CMTM8: variants seen among roughly 807,000 people sequenced by gnomAD.
CMTM8 encodes CKLF-like MARVEL transmembrane domain-containing protein 8.
CMTM8 carries 12 observed loss-of-function variants against 18.6 expected under a neutral mutation model. The ratio of observed to expected loss-of-function variants is 0.65; its 90% CI spans 0.41 to 1.05. CMTM8 has a LOEUF of 1.05. CMTM8 is among the 50% of genes least tolerant of loss of function. The probability of loss-of-function intolerance (pLI) is 0.00; values close to 1 mark genes in which losing one functional copy is unlikely to be tolerated. For synonymous variants in CMTM8, 87 were observed against 90.6 expected, an observed-to-expected ratio of 0.96 and a Z score of 0.23; for missense variants, 217 against 227.2, an observed-to-expected ratio of 0.95 and a Z score of 0.29.
chr3:32,265,048 A>G (rs1394440252), intron 1 of CMTM8, among the ~76,000 whole-genome samples: 1 of 152,140 alleles, frequency 6.6e-6, no homozygotes, highest in Non-Finnish European at 1.5e-5. Context: ...GATCAACAAG[A>G]CACAAAGTTA....
chr3:32,312,528 G>A (rs898612111), intron 1 of CMTM8, among the ~76,000 whole-genome samples: 9 of 152,150 alleles, frequency 5.9e-5, no homozygotes, highest in Non-Finnish European at 1.2e-4. Context: ...AGCAGGAGCT[G>A]TGTCCCCATG....
intron 1 of CMTM8, among the ~76,000 whole-genome samples, chr3:32,352,953 A>G (rs1424293577): frequency 6.6e-6 from 1 of 152,026 alleles, no homozygotes; most frequent in Non-Finnish European, 1.5e-5. Context: ...AAGCATGCAT[A>G]TACTGATAAC....
chr3:32,310,912 T>C (rs77357661), intron 1 of CMTM8, among the ~76,000 whole-genome samples: 2,349 of 152,356 alleles, frequency 0.015, 62 homozygotes, highest in African/African-American at 0.053. Context: ...ATGCTTAATA[T>C]TTCAGTAATT....
intron 1 of CMTM8, among the ~76,000 whole-genome samples, chr3:32,318,621 C>G (rs1054191911): frequency 7.0e-6 from 1 of 143,760 alleles, no homozygotes; most frequent in Non-Finnish European, 1.5e-5. Flanking sequence ...GCCTGGAGTG[C>G]GGTGGTGCGA....
At chr3:32,324,705 C>T (rs1206787512) in intron 1 of CMTM8, among the ~76,000 whole-genome samples, 1 of 151,640 alleles carries the variant, frequency 6.6e-6, no homozygotes. Context: ...GCAGAATTAC[C>T]TACCAACCCC....
At chr3:32,351,990 C>T (rs1406362384) in intron 1 of CMTM8, among the ~76,000 whole-genome samples, 1 of 151,702 alleles carries the variant, frequency 6.6e-6, no homozygotes. Context: ...CAGCCCGGCC[C>T]ACATGGTGAA....
intron 1 of CMTM8, among the ~76,000 whole-genome samples, chr3:32,316,952 G>T (rs1024444529): frequency 1.3e-5 from 2 of 152,206 alleles, no homozygotes; most frequent in South Asian, 4.1e-4. Flanking sequence ...ACAAGCCAGC[G>T]TTTGGAAATT....
intron 1 of CMTM8, among the ~76,000 whole-genome samples, chr3:32,256,870 T>G (rs1399136248): frequency 6.6e-6 from 1 of 152,242 alleles, no homozygotes; most frequent in African/African-American, 2.4e-5. Context: ...ATAATGTTTG[T>G]CAGAGGGCTA....
intron 1 of CMTM8, among the ~76,000 whole-genome samples, chr3:32,324,536 T>A (rs1267331007): frequency 6.6e-6 from 1 of 152,226 alleles, no homozygotes; most frequent in East Asian, 1.9e-4. Flanking sequence ...TTCCCTTACA[T>A]AAAACTATGC....
chr3:32,312,345 C>T (rs1312073403), intron 1 of CMTM8, among the ~76,000 whole-genome samples: 1 of 152,186 alleles, frequency 6.6e-6, no homozygotes, highest in Non-Finnish European at 1.5e-5. Flanking sequence ...CAATTTCTGT[C>T]TGACTTAGCT....
At chr3:32,245,603 T>G (rs367917785) in intron 1 of CMTM8, among the ~76,000 whole-genome samples, 1 of 152,232 alleles carries the variant, frequency 6.6e-6, no homozygotes. Flanking sequence ...TGAATTATAG[T>G]ATCCATGTAA....
At chr3:32,253,821 T>C (rs1360775912) in intron 1 of CMTM8, among the ~76,000 whole-genome samples, 1 of 152,046 alleles carries the variant, frequency 6.6e-6, no homozygotes, top group African/African-American at 2.4e-5. Flanking sequence ...CAGACAATCC[T>C]CCCACCTCAG....
chr3:32,362,882 G>A (rs972202991), intron 2 of CMTM8, among the ~76,000 whole-genome samples: 1 of 152,178 alleles, frequency 6.6e-6, no homozygotes, highest in East Asian at 1.9e-4. Context: ...GTGGGATCAT[G>A]TTATAACCAG....
intron 1 of CMTM8, among the ~76,000 whole-genome samples, chr3:32,252,681 G>A (rs1702128120): frequency 6.6e-6 from 1 of 152,196 alleles, no homozygotes. Flanking sequence ...TAAGAAAGCT[G>A]TTAATTTTTA....
At chr3:32,345,220 C>A (rs1242128309) in intron 1 of CMTM8, among the ~76,000 whole-genome samples, 3 of 151,832 alleles carry the variant, frequency 2.0e-5, no homozygotes, top group Admixed American at 2.0e-4. Context: ...GTAGTCTCAC[C>A]TACTTACACT....
At chr3:32,304,281 G>T (rs188676569) in intron 1 of CMTM8, among the ~76,000 whole-genome samples, 1 of 152,254 alleles carries the variant, frequency 6.6e-6, no homozygotes, top group Admixed American at 6.5e-5. Context: ...TTGGCAGGGG[G>T]CTGAAAATGG....
In CMTM8 at chr3:32,291,633, A is replaced by G. The variant is rs1027219681; in HGVS notation, c.147+52514A>G. Among the ~76,000 whole-genome samples the G allele has an allele frequency of 5.3e-5, 8 of 152,362 alleles. 1 individual carries two copies. The East Asian group carries it at 1.5e-3, about 29-fold the overall frequency. ...TGTCAGTTTAGACTGCATTCTACCAAGCTTTAATACAGGGATGAGTAGTAG... is the reference window on the plus strand; with the variant it reads ...TGTCAGTTTAGACTGCATTCTACCAGGCTTTAATACAGGGATGAGTAGTAG... On this transcript the variant is annotated intron_variant, in intron 1 of 3. Transcript: ENST00000307526.
chr3:32,322,309 A>G (rs552086764), intron 1 of CMTM8, among the ~76,000 whole-genome samples: 5 of 152,260 alleles, frequency 3.3e-5, no homozygotes, highest in Admixed American at 2.6e-4. Flanking sequence ...CAAGAAGGTA[A>G]TTATTTGGTC....
intron 1 of CMTM8, among the ~76,000 whole-genome samples, chr3:32,294,258 T>C (rs926497724): frequency 1.3e-5 from 2 of 152,256 alleles, no homozygotes; most frequent in Non-Finnish European, 2.9e-5. Flanking sequence ...AAGTGTCCTG[T>C]GCACATCTGT....
Sources: gnomAD v4.1 joint callset for allele counts (sites outside exome capture counted in the v4.1 genomes callset) on GRCh38, gnomAD v4.1.1 for gene constraint, MANE v1.5 for transcripts, NCBI Gene and HGNC (gene_info 2026-07-23, HGNC 2026-07-21) for gene names.